Variants in VGLL2 observed in about 807,000 individuals in gnomAD.
VGLL2 encodes transcription cofactor vestigial-like protein 2.
In VGLL2, 18 loss-of-function variants were observed where a neutral mutation model predicts 27.0. The observed-to-expected ratio is 0.67, with a 90% confidence interval of 0.46 to 0.99. VGLL2 has a LOEUF of 0.99. Among genes scored for constraint, VGLL2 ranks in the 50% least tolerant of loss-of-function variants. The pLI is 0.00. For synonymous variants in VGLL2, 220 were observed against 201.1 expected (o/e 1.09, Z -0.80); for missense variants, 491 against 452.3 (o/e 1.09, Z -0.78).
intron 1 of VGLL2, among the ~76,000 whole-genome samples, 161 bp downstream of exon 1, chr6:117,266,005 T>TA (rs912468033): frequency 4.6e-4 from 70 of 152,350 alleles, no homozygotes; most frequent in African/African-American, 1.6e-3. Flanking sequence ...CCCCAGTTGG[T>TA]AGTGCAATTA....
Position 117,272,812 on chromosome 6 carries a change from T to C in VGLL2, c.*318T>C, listed in dbSNP as rs187630222. 7.0e-4 allele frequency: 302 copies of C among 430,062 alleles called. 1 individual carries two copies. The highest frequency in any genetic ancestry group is 5.6e-3 in the African/African-American group (278 of 49,892). The allele number at this position is 430,062 out of a possible 1,614,324, so 26.6% of individuals were successfully genotyped here. On this transcript the variant is annotated 3_prime_UTR_variant, in exon 4 of 4. Coordinates refer to ENST00000326274, the MANE Select transcript of VGLL2 (RefSeq NM_182645.3). ...GAACGGGGGAAAGAAAATGAAACTT[T>C]TTGGTGTGAATATTTTTTATGCTGA...
chr6:117,267,613 T>G (rs1403086886), intron 1 of VGLL2, among the ~76,000 whole-genome samples: 1 of 152,248 alleles, frequency 6.6e-6, no homozygotes, highest in Non-Finnish European at 1.5e-5. Context: ...TTTCAAACTT[T>G]TTGTGGCATT....
intron 2 of VGLL2, among the ~76,000 whole-genome samples, chr6:117,268,989 T>C (rs1773126561): frequency 6.6e-6 from 1 of 152,148 alleles, no homozygotes; most frequent in Non-Finnish European, 1.5e-5. Context: ...GTTCTAGAGC[T>C]CCATGCAAGC....
In VGLL2 at chr6:117,270,657, T is replaced by C; in HGVS notation, c.506T>C (p.Leu169Pro). ...GSPLATAHSELPFAAADPYSP... is the reference protein window; with the variant it reads ...GSPLATAHSEPPFAAADPYSP... ...CCTCTGGCCACCGCGCACTCGGAGC[T>C]GCCCTTCGCCGCCGCCGACCCCTAC... The change falls in exon 3 of 4, where the codon CTG (leucine) becomes CCG (proline). Residue 169 changes from leucine (L) to proline (P), a missense_variant. Coordinates refer to ENST00000326274, the MANE Select transcript of VGLL2 (RefSeq NM_182645.3). 6.4e-7 allele frequency: 1 copy of C among 1,568,264 alleles called. No homozygotes were observed.
chr6:117,270,142 G>GA (rs1288252220), intron 2 of VGLL2, among the ~76,000 whole-genome samples: 1 of 152,068 alleles, frequency 6.6e-6, no homozygotes, highest in East Asian at 1.9e-4. Flanking sequence ...TTAAGGCTAG[G>GA]AAAGGGAGGC....
At chr6:117,270,208 G>A (rs1773152968) in intron 2 of VGLL2, among the ~76,000 whole-genome samples, 1 of 152,030 alleles carries the variant, frequency 6.6e-6, no homozygotes, top group South Asian at 2.1e-4. Context: ...GAGTCGGGGA[G>A]GGAGTCTCTC....
At position 117,265,649 on chromosome 6, in the gene VGLL2, T is replaced by G. The variant is rs956998673; in HGVS notation, c.-115T>G. ...TCCGAGCCGCGGAGCGCGCTGGCTT[T>G]GCTCCGCCTGATGACTCCAGAGCGC... On this transcript the variant is annotated 5_prime_UTR_variant, in exon 1 of 4. Coordinates refer to ENST00000326274, the MANE Select transcript of VGLL2 (RefSeq NM_182645.3). 4.1e-5 allele frequency: 35 copies of G among 852,696 alleles called. No individual in the cohort carries two copies. In the African/African-American group the frequency reaches 5.7e-4, roughly 14 times the overall value. 52.8% of individuals were successfully genotyped at this position (852,696 alleles called of 1,614,324 possible).
chr6:117,265,599 T>G lies in VGLL2; in HGVS notation c.-165T>G. On this transcript the variant is annotated 5_prime_UTR_variant, in exon 1 of 4. Coordinates refer to ENST00000326274, the MANE Select transcript of VGLL2 (RefSeq NM_182645.3). ...GCGGTCGGGAGTAAAATCGCAGGAG[T>G]GGGAGGGTAGCGAGCCAGCTGGATT... 1.6e-6 allele frequency: 1 copy of G among 634,074 alleles called. No homozygotes were observed. The highest frequency in any genetic ancestry group is 2.8e-6 in the Non-Finnish European group (1 of 351,984). The allele number at this position is 634,074 out of a possible 1,614,324, so 39.3% of individuals were successfully genotyped here. A position where few individuals can be genotyped will look rare whatever the true frequency, so the allele number is the denominator to read the frequency against.
chr6:117,271,330 A>AATAATG (rs1554217561), intron 3 of VGLL2, among the ~76,000 whole-genome samples: 25 of 139,740 alleles, frequency 1.8e-4, no homozygotes, highest in African/African-American at 5.9e-4. Flanking sequence ...TAATGATAAT[A>AATAATG]ATAATAATAA....
chr6:117,272,079 GGT>G (rs1773213522), intron 3 of VGLL2, among the ~76,000 whole-genome samples: 1 of 116,470 alleles, frequency 8.6e-6, no homozygotes, highest in South Asian at 2.9e-4. Context: ...CCCAACTTTA[GGT>G]GAAGTCTGTG....
At position 117,272,561 on chromosome 6, in the gene VGLL2, C is replaced by T. The variant is rs1773224265; in HGVS notation, c.*67C>T. On this transcript the variant is annotated 3_prime_UTR_variant, in exon 4 of 4. Coordinates refer to ENST00000326274, the MANE Select transcript of VGLL2 (RefSeq NM_182645.3). ...AGCCTTGGAGGCTCAGCATCTGTGC[C>T]TCTCACTCCGTGGATGAGGACATGG... 6.8e-6 allele frequency: 11 copies of T among 1,611,116 alleles called. No homozygotes were observed. Among genetic ancestry groups the T allele is most frequent in the Non-Finnish European group, 9.3e-6 (11 of 1,178,230 alleles).
At chr6:117,266,380 A>G (rs1402951103) in intron 1 of VGLL2, among the ~76,000 whole-genome samples, 3 of 152,164 alleles carry the variant, frequency 2.0e-5, no homozygotes, top group African/African-American at 7.2e-5. Context: ...GATCCAGAGA[A>G]TTCATTTCAA....
At chr6:117,265,945 G>A (rs1773058602) in intron 1 of VGLL2, 101 bp downstream of exon 1, 21 of 1,140,736 alleles carry the variant, frequency 1.8e-5, no homozygotes, top group Non-Finnish European at 2.3e-5. Flanking sequence ...CGCGTCTCGG[G>A]CGTCCGACCA....
intron 2 of VGLL2, among the ~76,000 whole-genome samples, chr6:117,270,033 C>A (rs1230962823): frequency 6.6e-6 from 1 of 151,974 alleles, no homozygotes; most frequent in Non-Finnish European, 1.5e-5. Context: ...GTGGGGGGCA[C>A]ATTTTCTGGA....
chr6:117,272,881 G>A lies in VGLL2; in HGVS notation c.*387G>A, dbSNP rs560159383. ...GTAGTGTGATTATAGCACTACTACT[G>A]TCAGATTTTAAATTGTATGTGTACT... is the stretch of plus-strand genomic sequence containing the variant. On this transcript the variant is annotated 3_prime_UTR_variant, in exon 4 of 4. Transcript: ENST00000326274. The A allele has an allele frequency of 4.3e-6, 1 of 231,686 alleles. No individual in the cohort carries two copies. The highest frequency in any genetic ancestry group is 7.7e-5 in the South Asian group (1 of 13,008). 14.4% of individuals were successfully genotyped at this position (231,686 alleles called of 1,614,324 possible). A position where few individuals can be genotyped will look rare whatever the true frequency, so the allele number is the denominator to read the frequency against.
At position 117,270,816 on chromosome 6, in the gene VGLL2, C is replaced by T; in HGVS notation, c.665C>T (p.Pro222Leu). 1.4e-6 allele frequency: 2 copies of T among 1,431,702 alleles called. No homozygotes were observed. Among genetic ancestry groups the T allele is most frequent in the East Asian group, 3.2e-5 (1 of 31,272 alleles). 88.7% of individuals were successfully genotyped at this position (1,431,702 alleles called of 1,614,324 possible). A position where few individuals can be genotyped will look rare whatever the true frequency, so the allele number is the denominator to read the frequency against. ...CTCGGCGCCCAGGCCGCCCCCTACC[C>T]GCGCCCCGCCGCCGTGCACGAAGTC... ...GALGAQAAPY[P>L]RPAAVHEVYA... Residue 222 changes from proline to leucine, a missense_variant, in exon 3 of 4, where the codon CCG becomes CTG. Transcript: ENST00000326274.
Position 117,268,348 on chromosome 6 carries a change from C to G in VGLL2, c.248C>G (p.Ser83Cys). ...CCACCAGAGGCAGAGTACATCAACT[C>G]CCGCTGCGTCCTCTTCACTTATTTC... ...ERPPEAEYIN[S>C]RCVLFTYFQG... The change falls in exon 2 of 4, where the codon TCC becomes TGC. Residue 83 changes from serine (S) to cysteine (C), a missense_variant. By Grantham distance (112) the Ser-to-Cys change is moderately radical. Transcript: ENST00000326274. 1 of 1,614,166 alleles carries G rather than the reference C, an allele frequency of 6.2e-7. No homozygotes were observed. Among genetic ancestry groups the G allele is most frequent in the Non-Finnish European group, 8.5e-7 (1 of 1,180,028 alleles).
Position 117,272,665 on chromosome 6 carries a change from G to T in VGLL2, c.*171G>T, listed in dbSNP as rs1017655147. ...ACTACAGAAATTCATCTAAAAATAA[G>T]TCCTGCTGCTGAAAGAGCAAATCCA... is the stretch of plus-strand genomic sequence containing the variant. On this transcript the variant is annotated 3_prime_UTR_variant, in exon 4 of 4. Coordinates refer to ENST00000326274, the MANE Select transcript of VGLL2 (RefSeq NM_182645.3). 7.6e-6 allele frequency: 7 copies of T among 916,772 alleles called. 1 individual carries two copies. Among genetic ancestry groups the T allele is most frequent in the African/African-American group, 1.7e-5 (1 of 59,408 alleles). The allele number at this position is 916,772 out of a possible 1,614,324, so 56.8% of individuals were successfully genotyped here. A position where few individuals can be genotyped will look rare whatever the true frequency, so the allele number is the denominator to read the frequency against.
rs1033422784 is a variant in VGLL2, at chr6:117,270,895, G to T, written c.744G>T (p.Ser248=). 1.6e-4 allele frequency: 205 copies of T among 1,278,222 alleles called. No homozygotes were observed. Among genetic ancestry groups the T allele is most frequent in the Non-Finnish European group, 1.9e-4 (194 of 1,016,046 alleles). 79.2% of individuals were successfully genotyped at this position (1,278,222 alleles called of 1,614,324 possible). The stretch of plus-strand genomic sequence containing the variant: ...GGCCGCTGCTGATGCCAGCCGCCTC[G>T]GGGCGCCCGGCCCGCCTCGCAACCG... ...RYGPLLMPAA[S]GRPARLATAP... The change falls in exon 3 of 4, where the codon TCG becomes TCT. Residue 248 remains serine, a synonymous_variant. Transcript: ENST00000326274.
Sources: allele counts gnomAD v4.1 joint callset (sites outside exome capture counted in the v4.1 genomes callset), GRCh38; gene constraint gnomAD v4.1.1; transcripts MANE v1.5; gene names NCBI Gene and HGNC (gene_info 2026-07-23, HGNC 2026-07-21).